The following EPM2A variants were observed in gnomAD, a reference collection of about 807,000 sequenced individuals.
EPM2A encodes the protein EPM2A glucan phosphatase, laforin, also known as laforin.
A neutral mutation model predicts 26.5 loss-of-function variants in EPM2A; 21 were observed. That is an observed-to-expected ratio of 0.79 (90% CI 0.56 to 1.14). The LOEUF is 1.14. Among genes scored for constraint, EPM2A ranks in the 50% most tolerant of loss-of-function variants. The pLI, the probability that EPM2A is intolerant of heterozygous loss-of-function variation, is 0.00. For missense variants in EPM2A, 458 were observed against 440.8 expected, an observed-to-expected ratio of 1.04 and a Z score of -0.35; for synonymous variants, 217 against 177.6, an observed-to-expected ratio of 1.22 and a Z score of -1.76.
At chr6:145,683,953 A>T (rs1780735764) in intron 2 of EPM2A, among the ~76,000 whole-genome samples, 1 of 152,188 alleles carries the variant, frequency 6.6e-6, no homozygotes. Flanking sequence ...ACAAAAAAGA[A>T]AGATCAAAAT....
At chr6:145,696,019 T>C (rs749748133) in intron 1 of EPM2A, among the ~76,000 whole-genome samples, 5 of 152,104 alleles carry the variant, frequency 3.3e-5, no homozygotes, top group Non-Finnish European at 7.4e-5. Flanking sequence ...ACAGATCATA[T>C]GTTAAGCCAC....
intron 3 of EPM2A, among the ~76,000 whole-genome samples, chr6:145,502,142 A>G (rs924976425): frequency 6.6e-6 from 1 of 152,246 alleles, no homozygotes; most frequent in African/African-American, 2.4e-5. Flanking sequence ...TGAAATTGGT[A>G]TAAAGCACAT....
downstream of EPM2A, among the ~76,000 whole-genome samples, chr6:145,620,936 CCTT>C (rs1185126228): frequency 6.6e-6 from 1 of 152,154 alleles, no homozygotes; most frequent in Non-Finnish European, 1.5e-5. Context: ...CATATACCTC[CCTT>C]TTTTATGGTG....
intron 4 of EPM2A, among the ~76,000 whole-genome samples, chr6:145,469,596 C>T (rs1727935958): frequency 6.6e-6 from 1 of 152,034 alleles, no homozygotes. Flanking sequence ...AGTACAACTA[C>T]TATAAAGAAC....
chr6:145,571,194 T>C (rs1399681519), intron 2 of EPM2A, among the ~76,000 whole-genome samples: 13 of 152,228 alleles, frequency 8.5e-5, no homozygotes, highest in Admixed American at 7.2e-4. Context: ...AACTGTTCCA[T>C]ATATTGGATG....
chr6:145,469,674 T>C (rs781358171), intron 4 of EPM2A, among the ~76,000 whole-genome samples: 16 of 152,162 alleles, frequency 1.1e-4, no homozygotes, highest in Non-Finnish European at 2.2e-4. Context: ...CCTATGTATA[T>C]ACCCAAAAGA....
At chr6:145,400,390 C>CT (rs1254208547) in intron 4 of EPM2A, among the ~76,000 whole-genome samples, 2 of 152,202 alleles carry the variant, frequency 1.3e-5, no homozygotes. Flanking sequence ...CCCTCCCTCA[C>CT]TAAAGCCCAT....
At position 145,626,031 on chromosome 6, in the gene EPM2A, A is replaced by C; in HGVS notation, c.*1385T>G. Reference sequence around the variant, plus strand: ...TTCTGACCTTAGTTTCCCCATCTTTATCATGGAGATAATGAGACCTTCTTC... The same window carrying C: ...TTCTGACCTTAGTTTCCCCATCTTTCTCATGGAGATAATGAGACCTTCTTC... On this transcript the variant is annotated 3_prime_UTR_variant, in exon 4 of 4. Coordinates refer to ENST00000367519, the MANE Select transcript of EPM2A (RefSeq NM_005670.4). 8.8e-7 allele frequency: 1 copy of C among 1,142,692 alleles called. No individual in the cohort carries two copies. The highest frequency in any genetic ancestry group is 1.1e-6 in the Non-Finnish European group (1 of 893,722). The allele number at this position is 1,142,692 out of a possible 1,614,324, so 70.8% of individuals were successfully genotyped here.
At chr6:145,712,076 G>C (rs1393218826) in intron 1 of EPM2A, among the ~76,000 whole-genome samples, 3 of 152,158 alleles carry the variant, frequency 2.0e-5, no homozygotes, top group Non-Finnish European at 4.4e-5. Flanking sequence ...TCAGGTGGAA[G>C]AATGGTGAAA....
chr6:145,391,585 C>A (rs756548697), intron 4 of EPM2A, among the ~76,000 whole-genome samples: 4 of 152,142 alleles, frequency 2.6e-5, no homozygotes, highest in Admixed American at 2.6e-4. Flanking sequence ...CTCAGCCAAC[C>A]CATTCAGCAT....
At chr6:145,495,001 G>C (rs1779798575) in intron 4 of EPM2A, among the ~76,000 whole-genome samples, 1 of 152,046 alleles carries the variant, frequency 6.6e-6, no homozygotes, top group South Asian at 2.1e-4. Flanking sequence ...ATACCTATCG[G>C]GTCCCTTTGA....
intron 1 of EPM2A, among the ~76,000 whole-genome samples, chr6:145,733,094 T>C (rs929571883): frequency 2.6e-5 from 4 of 152,092 alleles, no homozygotes; most frequent in African/African-American, 9.7e-5. Context: ...ACTGTAACAA[T>C]TAGAAAATAG....
chr6:145,533,325 AG>A (rs1479448108), intron 2 of EPM2A, among the ~76,000 whole-genome samples: 1 of 152,144 alleles, frequency 6.6e-6, no homozygotes, highest in African/African-American at 2.4e-5. Context: ...CTCCTGCAAT[AG>A]CCTCATAACT....
intron 2 of EPM2A, among the ~76,000 whole-genome samples, chr6:145,513,812 A>C (rs1226472836): frequency 3.3e-5 from 5 of 152,220 alleles, no homozygotes; most frequent in Non-Finnish European, 7.3e-5. Context: ...TAATTAAGCC[A>C]CCATCCCTAT....
intron 2 of EPM2A, among the ~76,000 whole-genome samples, chr6:145,546,468 T>A (rs1193807820): frequency 6.6e-6 from 1 of 152,156 alleles, no homozygotes; most frequent in Admixed American, 6.5e-5. Context: ...TTCAATCTCT[T>A]CCAGAAATAG....
chr6:145,510,950 G>C (rs1780047401), intron 2 of EPM2A, among the ~76,000 whole-genome samples: 1 of 152,080 alleles, frequency 6.6e-6, no homozygotes, highest in African/African-American at 2.4e-5. Flanking sequence ...TATATTCAGA[G>C]ACTACTATGA....
intron 1 of EPM2A, among the ~76,000 whole-genome samples, chr6:145,708,221 AT>A (rs1782335928): frequency 6.6e-6 from 1 of 152,258 alleles, no homozygotes; most frequent in Non-Finnish European, 1.5e-5. Flanking sequence ...TGATGATGCA[AT>A]AGAAAAGAAA....
At chr6:145,473,574 T>C (rs1779504119) in intron 4 of EPM2A, among the ~76,000 whole-genome samples, 1 of 152,024 alleles carries the variant, frequency 6.6e-6, no homozygotes, top group Non-Finnish European at 1.5e-5. Flanking sequence ...TTATAGAACA[T>C]GATGCAGATT....
At chr6:145,495,390 G>A (rs1779804238) in intron 4 of EPM2A, among the ~76,000 whole-genome samples, 1 of 150,702 alleles carries the variant, frequency 6.6e-6, no homozygotes, top group Non-Finnish European at 1.5e-5. Flanking sequence ...GTTATTGCAT[G>A]TGAGATGGGT....
Sources: gnomAD v4.1 joint callset for allele counts (sites outside exome capture counted in the v4.1 genomes callset) on GRCh38, gnomAD v4.1.1 for gene constraint, MANE v1.5 for transcripts, NCBI Gene and HGNC (gene_info 2026-07-23, HGNC 2026-07-21) for gene names.